PLPPR1: variants seen among roughly 807,000 people sequenced by gnomAD.
PLPPR1 encodes phospholipid phosphatase related 1, also known as phospholipid phosphatase-related protein type 1.
A neutral mutation model predicts 33.1 loss-of-function variants in PLPPR1; 10 were observed. The ratio of observed to expected loss-of-function variants is 0.30; its 90% confidence interval spans 0.19 to 0.51. The LOEUF is 0.51. PLPPR1 is among the 20% of genes least tolerant of loss of function. The pLI, the probability that PLPPR1 is intolerant of heterozygous loss-of-function variation, is 0.97. For synonymous variants in PLPPR1, 151 were observed against 151.0 expected (o/e 1.00, Z 0.00); for missense variants, 304 against 408.1 (o/e 0.74, Z 2.20).
chr9:101,064,083 C>T (rs1245078847), intron 1 of PLPPR1, among the ~76,000 whole-genome samples: 1 of 152,028 alleles, frequency 6.6e-6, no homozygotes. Context: ...ATTTATAGAT[C>T]TATGATTCTA....
At chr9:101,106,143 T>C (rs530736519) in intron 1 of PLPPR1, among the ~76,000 whole-genome samples, 1 of 151,398 alleles carries the variant, frequency 6.6e-6, no homozygotes, top group Admixed American at 6.6e-5. Context: ...ATTTAGTCCA[T>C]TTACATTTAA....
At chr9:101,077,568 G>T (rs1016890606) in intron 1 of PLPPR1, among the ~76,000 whole-genome samples, 6 of 152,198 alleles carry the variant, frequency 3.9e-5, no homozygotes, top group Non-Finnish European at 7.3e-5. Flanking sequence ...TTAGTGTGCA[G>T]AAAATTTATT....
At chr9:101,059,903 T>C (rs547067021) in intron 1 of PLPPR1, among the ~76,000 whole-genome samples, 113 of 152,158 alleles carry the variant, frequency 7.4e-4, no homozygotes, top group Non-Finnish European at 1.4e-3. Flanking sequence ...GAAAACAGTA[T>C]GAAGGTTGCT....
At chr9:101,191,050 A>G (rs116438766) in intron 2 of PLPPR1, among the ~76,000 whole-genome samples, 1 of 152,130 alleles carries the variant, frequency 6.6e-6, no homozygotes, top group African/African-American at 2.4e-5. Context: ...TAAAAATAGG[A>G]TAGTGATTTT....
At chr9:101,092,544 C>A (rs10989397) in intron 1 of PLPPR1, among the ~76,000 whole-genome samples, 8,126 of 152,226 alleles carry the variant, frequency 0.053, 398 homozygotes, top group African/African-American at 0.12. Context: ...TGAGCCTTAT[C>A]CTACCTCTCT....
At chr9:101,214,861 A>G (rs1279967443) in intron 2 of PLPPR1, among the ~76,000 whole-genome samples, 14 of 152,150 alleles carry the variant, frequency 9.2e-5, no homozygotes, top group Admixed American at 1.3e-4. Flanking sequence ...TGTCTCTACT[A>G]AAAATACAAA....
intron 1 of PLPPR1, among the ~76,000 whole-genome samples, chr9:101,146,751 A>T (rs1330541350): frequency 1.3e-5 from 2 of 152,198 alleles, no homozygotes; most frequent in Non-Finnish European, 2.9e-5. Context: ...CTGAGTTCTC[A>T]GTGATGACAC....
At chr9:101,183,898 G>A (rs941741568) in intron 1 of PLPPR1, among the ~76,000 whole-genome samples, 8 of 151,706 alleles carry the variant, frequency 5.3e-5, no homozygotes, top group Middle Eastern at 3.4e-3. Flanking sequence ...GCTTTTTCTC[G>A]TGCCTCTGCC....
intron 2 of PLPPR1, among the ~76,000 whole-genome samples, chr9:101,238,281 TATATACATACC>T: frequency 7.4e-6 from 1 of 135,514 alleles, no homozygotes; most frequent in African/African-American, 2.7e-5. Context: ...ATATACATCC[TATATACATACC>T]CTATATATAT....
At chr9:101,047,359 T>C (rs556854440) in intron 1 of PLPPR1, among the ~76,000 whole-genome samples, 28 of 152,326 alleles carry the variant, frequency 1.8e-4, no homozygotes, top group African/African-American at 6.7e-4. Context: ...GAATTGGTTA[T>C]AAAGTAATAA....
intron 2 of PLPPR1, among the ~76,000 whole-genome samples, chr9:101,234,881 T>G (rs963396798): frequency 5.9e-5 from 9 of 152,000 alleles, no homozygotes; most frequent in Admixed American, 4.6e-4. Context: ...TTTAAATGTA[T>G]CCTTACTTTT....
intron 2 of PLPPR1, among the ~76,000 whole-genome samples, chr9:101,255,877 C>G (rs1024723701): frequency 6.6e-6 from 1 of 152,158 alleles, no homozygotes; most frequent in African/African-American, 2.4e-5. Context: ...ATTAAAGGGT[C>G]TGAACTTCAC....
At chr9:101,300,110 A>G (rs971713619) in intron 4 of PLPPR1, among the ~76,000 whole-genome samples, 1 of 152,220 alleles carries the variant, frequency 6.6e-6, no homozygotes, top group Non-Finnish European at 1.5e-5. Flanking sequence ...AACAGTTAGT[A>G]AAGTGTAGTT....
At chr9:101,164,021 A>C (rs555666974) in intron 1 of PLPPR1, among the ~76,000 whole-genome samples, 1 of 152,342 alleles carries the variant, frequency 6.6e-6, no homozygotes, top group Non-Finnish European at 1.5e-5. Flanking sequence ...CTGCATGCTT[A>C]TTTTATGCTA....
chr9:101,044,285 T>G (rs558907569), intron 1 of PLPPR1, among the ~76,000 whole-genome samples: 20 of 152,362 alleles, frequency 1.3e-4, no homozygotes, highest in African/African-American at 4.8e-4. Flanking sequence ...CAGCCCTTGC[T>G]GCTGACTCCT....
chr9:101,225,767 A>G (rs1249468333), intron 2 of PLPPR1, among the ~76,000 whole-genome samples: 1 of 133,890 alleles, frequency 7.5e-6, no homozygotes, highest in East Asian at 2.6e-4. Context: ...TGTAACCAAG[A>G]AATATAATTT....
Position 101,187,200 on chromosome 9 carries a change from G to A in PLPPR1, c.63+1643G>A, listed in dbSNP as rs541713928. ...TTTAAGTAGGCTGCGGGAAGTTAGG[G>A]AATAAGTCATCCATCATCATCTTTA... On this transcript the variant is annotated intron_variant, in intron 2 of 7. Transcript: ENST00000374874. The A allele has an allele frequency of 1.1e-4, 17 of 151,940 alleles. 1 individual carries two copies. The South Asian group carries it at 3.5e-3, about 32-fold the overall frequency. 9.4% of individuals were successfully genotyped at this position (151,940 alleles called of 1,614,324 possible). A position where few individuals can be genotyped will look rare whatever the true frequency, so the allele number is the denominator to read the frequency against.
chr9:101,303,577 A>G (rs1333512033), intron 4 of PLPPR1, among the ~76,000 whole-genome samples: 1 of 152,148 alleles, frequency 6.6e-6, no homozygotes, highest in African/African-American at 2.4e-5. Flanking sequence ...CTGAGATTAC[A>G]GCATGAGCCA....
intron 2 of PLPPR1, among the ~76,000 whole-genome samples, chr9:101,257,919 A>T (rs1395807439): frequency 1.3e-5 from 2 of 152,058 alleles, no homozygotes; most frequent in Admixed American, 6.6e-5. Flanking sequence ...TAGGGTTTTA[A>T]TGTGGATATT....
Sources: allele counts gnomAD v4.1 joint callset (sites outside exome capture counted in the v4.1 genomes callset), GRCh38; gene constraint gnomAD v4.1.1; transcripts MANE v1.5; gene names NCBI Gene and HGNC (gene_info 2026-07-23, HGNC 2026-07-21).